Variants in OPRD1 observed in about 807,000 individuals in gnomAD.
OPRD1 encodes opioid receptor delta 1.
OPRD1 carries 19 observed loss-of-function variants against 17.5 expected under a neutral mutation model. The observed-to-expected ratio is 1.09, with a 90% CI of 0.76 to 1.60. The LOEUF (loss-of-function observed/expected upper bound fraction) is 1.60, where lower values mean the gene tolerates loss of function less well. Among genes scored for constraint, OPRD1 ranks in the 40% most tolerant of loss-of-function variants. OPRD1 has a pLI of 0.00. For missense variants in OPRD1, 483 were observed against 547.2 expected, an observed-to-expected ratio of 0.88 and a Z score of 1.17; for synonymous variants, 256 against 240.9, an observed-to-expected ratio of 1.06 and a Z score of -0.58.
intron 1 of OPRD1, among the ~76,000 whole-genome samples, chr1:28,830,911 G>C (rs2088803769): frequency 6.6e-6 from 1 of 152,236 alleles, no homozygotes; most frequent in African/African-American, 2.4e-5. Flanking sequence ...GAAGCCATTG[G>C]TGATAATGAG....
chr1:28,814,151 G>T (rs948777760), intron 1 of OPRD1, among the ~76,000 whole-genome samples: 35 of 151,324 alleles, frequency 2.3e-4, no homozygotes, highest in South Asian at 2.1e-4. Flanking sequence ...TCTTTACTTT[G>T]TGTCTTTGTC....
At chr1:28,858,762 T>C (rs1026499694) in intron 1 of OPRD1, among the ~76,000 whole-genome samples, 192 bp from the exon 2 acceptor site, 3 of 151,942 alleles carry the variant, frequency 2.0e-5, no homozygotes, top group Middle Eastern at 3.2e-3. Context: ...GCCAGGATGG[T>C]CTTGAACTCT....
rs11309876 is a variant in OPRD1, at chr1:28,868,839, GA to G, written c.*5570del. ...TGGGCGACAGAGCGAGACTCTGTCT[GA>G]AAAAAAAAAAAAATTAAAAAGAAAT... On this transcript the variant is annotated 3_prime_UTR_variant, in exon 3 of 3. Transcript: ENST00000234961. 16,601 of 141,142 alleles carry G rather than the reference GA, an allele frequency of 0.12. 1,215 individuals are homozygous for G. The highest frequency in any genetic ancestry group is 0.21 in the African/African-American group (8,105 of 38,838). The allele number at this position is 141,142 out of a possible 1,614,324, so 8.7% of individuals were successfully genotyped here.
At chr1:28,852,065 G>A (rs1393890126) in intron 1 of OPRD1, among the ~76,000 whole-genome samples, 1 of 150,982 alleles carries the variant, frequency 6.6e-6, no homozygotes, top group Non-Finnish European at 1.5e-5. Flanking sequence ...TACTTGGGAG[G>A]CTGAGGCAGG....
chr1:28,864,141 A>G lies in OPRD1; in HGVS notation c.*858A>G, dbSNP rs2089152871. The stretch of plus-strand genomic sequence containing the variant: ...AAATTAGCCAGGCATGGTGGTGTGT[A>G]CCTGCAGGCCTAGCTCCTTGGAAGG... On this transcript the variant is annotated 3_prime_UTR_variant, in exon 3 of 3. Transcript: ENST00000234961. The G allele has an allele frequency of 6.6e-6, 1 of 152,276 alleles. No homozygotes were observed. Among genetic ancestry groups the G allele is most frequent in the African/African-American group, 2.4e-5 (1 of 41,416 alleles). The allele number at this position is 152,276 out of a possible 1,614,324, so 9.4% of individuals were successfully genotyped here.
intron 1 of OPRD1, among the ~76,000 whole-genome samples, chr1:28,852,222 G>T (rs2089011787): frequency 6.6e-6 from 1 of 151,100 alleles, no homozygotes. Context: ...GGGAGGAAAG[G>T]TCCAGGACAT....
intron 1 of OPRD1, among the ~76,000 whole-genome samples, chr1:28,821,688 A>C (rs1339386190): frequency 6.6e-6 from 1 of 152,164 alleles, no homozygotes; most frequent in Non-Finnish European, 1.5e-5. Context: ...GCTACATTGC[A>C]TGAATGTGTT....
At chr1:28,850,387 A>G (rs563712485) in intron 1 of OPRD1, among the ~76,000 whole-genome samples, 20 of 151,634 alleles carry the variant, frequency 1.3e-4, no homozygotes, top group African/African-American at 4.1e-4. Flanking sequence ...GTAGTGGCAC[A>G]ATCTCAGCCC....
rs2089140227 is a variant in OPRD1, at chr1:28,863,077, G to A, written c.913G>A (p.Ala305Thr). 6.2e-7 allele frequency: 1 copy of A among 1,607,792 alleles called. No homozygotes were observed. The change falls in exon 3 of 3, where the codon GCG becomes ACG. Residue 305 changes from alanine to threonine, a missense_variant. Transcript: ENST00000234961. ...GGTGGCTGCGCTGCACCTGTGCATC[G>A]CGCTGGGCTACGCCAATAGCAGCCT... ...LVVAALHLCI[A>T]LGYANSSLNP... is the part of the protein sequence containing the mutation.
At chr1:28,824,472 C>T (rs1433382042) in intron 1 of OPRD1, among the ~76,000 whole-genome samples, 3 of 151,502 alleles carry the variant, frequency 2.0e-5, no homozygotes, top group African/African-American at 4.8e-5. Flanking sequence ...CGCCACCACA[C>T]CCGGCTAATT....
chr1:28,862,767 G>A lies in OPRD1; in HGVS notation c.603G>A (p.Gln201=). 1 of 1,611,932 alleles carries A rather than the reference G, an allele frequency of 6.2e-7. No individual in the cohort carries two copies. Residue 201 remains glutamine, a synonymous_variant, in exon 3 of 3, where the codon CAG becomes CAA. Transcript: ENST00000234961. ...PRDGAVVCML[Q]FPSPSWYWDT... is the part of the protein sequence containing the mutation. ...ACGGGGCAGTGGTGTGCATGCTCCAGTTCCCCAGCCCCAGCTGGTACTGGG... is the reference window on the plus strand; with the variant it reads ...ACGGGGCAGTGGTGTGCATGCTCCAATTCCCCAGCCCCAGCTGGTACTGGG...
intron 1 of OPRD1, among the ~76,000 whole-genome samples, chr1:28,843,147 A>AAG (rs1338096270): frequency 2.0e-5 from 3 of 152,128 alleles, no homozygotes; most frequent in Non-Finnish European, 4.4e-5. Context: ...TGACTTGCTC[A>AAG]AGATCACTGA....
At chr1:28,818,218 C>T (rs367892918) in intron 1 of OPRD1, among the ~76,000 whole-genome samples, 5 of 152,172 alleles carry the variant, frequency 3.3e-5, no homozygotes, top group East Asian at 1.9e-4. Flanking sequence ...TTTCCCATGT[C>T]CTGCATTGCC....
At chr1:28,840,237 C>T (rs780203093) in intron 1 of OPRD1, among the ~76,000 whole-genome samples, 4 of 152,242 alleles carry the variant, frequency 2.6e-5, no homozygotes, top group East Asian at 3.9e-4. Context: ...CCAAGACAGA[C>T]GTGATCCCTG....
intron 1 of OPRD1, among the ~76,000 whole-genome samples, chr1:28,813,964 C>T (rs570026708): frequency 1.3e-5 from 2 of 152,254 alleles, no homozygotes; most frequent in South Asian, 2.1e-4. Context: ...CAGCGCAGAA[C>T]GTGGTGTGTT....
chr1:28,814,117 C>T (rs1190154876), intron 1 of OPRD1, among the ~76,000 whole-genome samples: 1 of 150,820 alleles, frequency 6.6e-6, no homozygotes. Context: ...TGGGAGAATT[C>T]CCCCCAAGCA....
rs1208685504 is a variant in OPRD1 at position 28,863,693 on chromosome 1, G to C, written c.*410G>C. On this transcript the variant is annotated 3_prime_UTR_variant, in exon 3 of 3. Coordinates refer to ENST00000234961, the MANE Select transcript of OPRD1 (RefSeq NM_000911.4). ...CGGACTTTCGGAGTTGGGGGTCCGG[G>C]CCCAGGACCCAGAAAGGGCAGTGGT... 5.6e-6 allele frequency: 1 copy of C among 178,288 alleles called. No individual in the cohort carries two copies. The highest frequency in any genetic ancestry group is 2.4e-5 in the African/African-American group (1 of 42,440). The allele number at this position is 178,288 out of a possible 1,614,324, so 11.0% of individuals were successfully genotyped here. A position where few individuals can be genotyped will look rare whatever the true frequency, so the allele number is the denominator to read the frequency against.
At chr1:28,826,764 C>A (rs370008991) in intron 1 of OPRD1, among the ~76,000 whole-genome samples, 1 of 152,124 alleles carries the variant, frequency 6.6e-6, no homozygotes, top group African/African-American at 2.4e-5. Context: ...TTTCTTAAAA[C>A]AAGGCAACAG....
At chr1:28,851,527 G>A (rs952149466) in intron 1 of OPRD1, among the ~76,000 whole-genome samples, 5 of 152,248 alleles carry the variant, frequency 3.3e-5, no homozygotes, top group African/African-American at 1.2e-4. Flanking sequence ...TCTAGCCGAG[G>A]AGGACAGGTG....
Sources: allele counts gnomAD v4.1 joint callset (sites outside exome capture counted in the v4.1 genomes callset), GRCh38; gene constraint gnomAD v4.1.1; transcripts MANE v1.5; gene names NCBI Gene and HGNC (gene_info 2026-07-23, HGNC 2026-07-21).